GRIN2B: variants seen among roughly 807,000 people sequenced by gnomAD.
GRIN2B encodes glutamate receptor ionotropic, NMDA 2B.
GRIN2B carries 5 observed loss-of-function variants against 114.5 expected under a neutral mutation model. The ratio of observed to expected loss-of-function variants is 0.04; its 90% CI spans 0.02 to 0.09. GRIN2B has a LOEUF of 0.09. Among genes scored for constraint, GRIN2B ranks in the 10% least tolerant of loss-of-function variants. GRIN2B has a pLI of 1.00. For synonymous variants in GRIN2B, 787 were observed against 745.1 expected (o/e 1.06, Z -0.92); for missense variants, 1,108 against 1,943.5 (o/e 0.57, Z 8.08).
intron 3 of GRIN2B, among the ~76,000 whole-genome samples, chr12:13,837,649 T>C (rs150984110): frequency 1.6e-4 from 24 of 152,264 alleles, no homozygotes; most frequent in African/African-American, 5.1e-4. Context: ...GCAAAACCAA[T>C]TTTGACTTTC....
Position 13,563,505 on chromosome 12 carries a change from A to C in GRIN2B, c.3733T>G (p.Cys1245Gly). The change falls in exon 14 of 14, where the codon TGC becomes GGC. Residue 1245 changes from cysteine to glycine, a missense_variant. Physicochemically the swap from Cys to Gly is radical, Grantham distance 159. Coordinates refer to ENST00000609686, the MANE Select transcript of GRIN2B (RefSeq NM_000834.5). Reference sequence around the variant, plus strand: ...TCATACAGGTTGCCTGCTTTCTTGCAAGCCTCACACCGGATGCACGCCTGC... The same window carrying C: ...TCATACAGGTTGCCTGCTTTCTTGCCAGCCTCACACCGGATGCACGCCTGC... Reference protein sequence around the residue: ...GRQACIRCEACKKAGNLYDIS... With the variant: ...GRQACIRCEAGKKAGNLYDIS... 1 of 1,614,118 alleles carries C rather than the reference A, an allele frequency of 6.2e-7. No homozygotes were observed. Among genetic ancestry groups the C allele is most frequent in the Non-Finnish European group, 8.5e-7 (1 of 1,180,034 alleles).
At chr12:13,848,202 G>A (rs1298350558) in intron 3 of GRIN2B, among the ~76,000 whole-genome samples, 1 of 152,178 alleles carries the variant, frequency 6.6e-6, no homozygotes, top group Non-Finnish European at 1.5e-5. Context: ...ATGGTCCAAT[G>A]GGGTATCTGA....
intron 11 of GRIN2B, 136 bp downstream of exon 11, chr12:13,571,668 T>C: frequency 1.1e-6 from 1 of 907,846 alleles, no homozygotes; most frequent in Non-Finnish European, 1.8e-6. Flanking sequence ...AACTTGGAAA[T>C]CCATAAAGAG....
At chr12:13,697,185 A>G (rs1950268353) in intron 4 of GRIN2B, among the ~76,000 whole-genome samples, 2 of 152,204 alleles carry the variant, frequency 1.3e-5, no homozygotes, top group Admixed American at 6.5e-5. Context: ...GTTGCCATGA[A>G]TTACTCCCAC....
At chr12:13,961,613 T>C (rs1413578138) in intron 2 of GRIN2B, among the ~76,000 whole-genome samples, 1 of 152,196 alleles carries the variant, frequency 6.6e-6, no homozygotes, top group Non-Finnish European at 1.5e-5. Flanking sequence ...TTATTAAAAT[T>C]AGACTAAGTT....
At chr12:13,656,114 G>A (rs1949860721) in intron 5 of GRIN2B, among the ~76,000 whole-genome samples, 1 of 152,118 alleles carries the variant, frequency 6.6e-6, no homozygotes, top group Non-Finnish European at 1.5e-5. Context: ...ACAGAATCTA[G>A]CACACTGTAG....
At chr12:13,833,614 C>A (rs1480573851) in intron 3 of GRIN2B, among the ~76,000 whole-genome samples, 1 of 152,178 alleles carries the variant, frequency 6.6e-6, no homozygotes, top group Non-Finnish European at 1.5e-5. Flanking sequence ...AGGCTGTCAT[C>A]ATGTTGCCAC....
In GRIN2B at chr12:13,972,103, A is replaced by G. The variant is rs1245667552; in HGVS notation, c.-19+7825T>C. Among the ~76,000 whole-genome samples the G allele has an allele frequency of 4.6e-5, 7 of 152,354 alleles. No homozygotes were observed. In the East Asian group the frequency reaches 1.3e-3, roughly 29 times the overall value. On this transcript the variant is annotated intron_variant, in intron 2 of 13. Transcript: ENST00000609686. The stretch of plus-strand genomic sequence containing the variant: ...CAGTCATTCTCAAATATGGCTTCGC[A>G]TTAGAATCCTGCAGGGAAGTTTTTT...
chr12:13,972,194 C>A (rs1862934922), intron 2 of GRIN2B, among the ~76,000 whole-genome samples: 1 of 152,156 alleles, frequency 6.6e-6, no homozygotes, highest in Admixed American at 6.5e-5. Context: ...AGGGTCTGAG[C>A]ATGGGCATCA....
intron 5 of GRIN2B, among the ~76,000 whole-genome samples, chr12:13,640,540 T>C (rs10492130): frequency 0.083 from 12,615 of 152,206 alleles, 564 homozygotes; most frequent in Non-Finnish European, 0.1. Context: ...TAGTTTGTCT[T>C]TGACTGGATT....
chr12:13,722,062 G>C (rs1456264440), intron 4 of GRIN2B, among the ~76,000 whole-genome samples: 1 of 152,132 alleles, frequency 6.6e-6, no homozygotes, highest in Non-Finnish European at 1.5e-5. Context: ...GTGACCACTG[G>C]TGACTTTGGC....
At chr12:13,589,948 A>G (rs946918868) in intron 10 of GRIN2B, among the ~76,000 whole-genome samples, 12 of 152,158 alleles carry the variant, frequency 7.9e-5, no homozygotes, top group Middle Eastern at 3.2e-3. Context: ...TAGTGGACAG[A>G]TTATGATAGA....
chr12:13,831,646 C>T (rs1203825647), intron 3 of GRIN2B, among the ~76,000 whole-genome samples: 1 of 152,222 alleles, frequency 6.6e-6, no homozygotes, highest in African/African-American at 2.4e-5. Flanking sequence ...AAAAGAGGCT[C>T]ATGTGGGGGA....
intron 2 of GRIN2B, among the ~76,000 whole-genome samples, chr12:13,874,973 T>C (rs946853142): frequency 1.3e-5 from 2 of 152,098 alleles, no homozygotes; most frequent in Non-Finnish European, 2.9e-5. Flanking sequence ...GTTATATAGG[T>C]AAACGTCTGC....
In GRIN2B at chr12:13,821,062, C is replaced by T. The variant is rs193075333; in HGVS notation, c.411+44736G>A. ...TTTGCCCCAGTTACCGAGAACCACT[C>T]GATGTGCCTAAAATACCCCCTGCTC... On this transcript the variant is annotated intron_variant, in intron 3 of 13. Transcript: ENST00000609686. 1.7e-3 allele frequency among the ~76,000 whole-genome samples: 256 copies of T among 152,164 alleles called. 1 individual carries two copies. The highest frequency in any genetic ancestry group is 5.8e-3 in the African/African-American group (242 of 41,528).
intron 2 of GRIN2B, among the ~76,000 whole-genome samples, chr12:13,880,913 T>A (rs750515623): frequency 6.6e-6 from 1 of 152,220 alleles, no homozygotes; most frequent in African/African-American, 2.4e-5. Flanking sequence ...CACAGCCTAT[T>A]TGAGACCTCG....
intron 3 of GRIN2B, among the ~76,000 whole-genome samples, chr12:13,844,660 C>A (rs761103052): frequency 1.4e-4 from 21 of 152,116 alleles, no homozygotes; most frequent in Non-Finnish European, 2.6e-4. Context: ...CTAGCCTTGC[C>A]ACTTAGTATT....
intron 13 of GRIN2B, among the ~76,000 whole-genome samples, 160 bp downstream of exon 13, chr12:13,566,865 C>G (rs954271439): frequency 7.2e-5 from 11 of 152,238 alleles, no homozygotes; most frequent in Admixed American, 7.2e-4. Context: ...GAGCCACTTG[C>G]AATCATATCA....
intron 4 of GRIN2B, among the ~76,000 whole-genome samples, chr12:13,722,993 T>C (rs999082613): frequency 2.0e-5 from 3 of 152,090 alleles, no homozygotes; most frequent in Non-Finnish European, 4.4e-5. Flanking sequence ...ACTGTCCAGC[T>C]ATAGCTTCTT....
Sources: allele counts gnomAD v4.1 joint callset (sites outside exome capture counted in the v4.1 genomes callset), GRCh38; gene constraint gnomAD v4.1.1; transcripts MANE v1.5; gene names NCBI Gene and HGNC (gene_info 2026-07-23, HGNC 2026-07-21).